Variants in MORN4 observed in about 807,000 individuals in gnomAD.
MORN4 encodes the protein MORN repeat containing 4, also known as MORN repeat-containing protein 4.
Under a neutral mutation model 16.4 loss-of-function variants are expected in MORN4, and 8 were observed. The ratio of observed to expected loss-of-function variants is 0.49; its 90% CI spans 0.29 to 0.88. MORN4 has a LOEUF of 0.88. MORN4 is among the 40% of genes least tolerant of loss of function. MORN4 has a pLI of 0.09. For missense variants in MORN4, 159 were observed against 182.9 expected, an observed-to-expected ratio of 0.87 and a Z score of 0.75; for synonymous variants, 53 against 68.9, an observed-to-expected ratio of 0.77 and a Z score of 1.14.
Position 97,616,397 on chromosome 10 carries a change from G to C in MORN4, c.307C>G (p.Pro103Ala). Residue 103 changes from proline (P) to alanine (A), a missense_variant, in exon 5 of 5, where the codon CCT (proline) becomes GCT (alanine). Coordinates refer to ENST00000307450, the MANE Select transcript of MORN4 (RefSeq NM_178832.4). ...RVDGFGLLTF[P>A]DGSHGIPRNE... ...CGGGGGATTCCATGAGAACCATCAG[G>C]GAAAGTCAGCAGGCCTTTGAGGAGG... The C allele has an allele frequency of 6.2e-7, 1 of 1,603,982 alleles. No homozygotes were observed. Among genetic ancestry groups the C allele is most frequent in the Non-Finnish European group, 8.5e-7 (1 of 1,175,456 alleles).
intron 1 of MORN4, among the ~76,000 whole-genome samples, chr10:97,623,754 G>C (rs1440764705): frequency 1.5e-5 from 2 of 129,146 alleles, no homozygotes; most frequent in Non-Finnish European, 3.3e-5. Context: ...TTCTTTTTTT[G>C]AGACAGAGTC....
intron 4 of MORN4, 47 bp downstream of exon 4, chr10:97,616,631 C>T (rs1222730951): frequency 3.4e-6 from 5 of 1,458,954 alleles, no homozygotes; most frequent in East Asian, 4.5e-5. Flanking sequence ...TATTTCCACC[C>T]ATATTATGCC....
In MORN4 at chr10:97,616,401, A is replaced by G. The variant is rs369041515; in HGVS notation, c.303T>C (p.Thr101=). The G allele has an allele frequency of 6.9e-6, 11 of 1,603,444 alleles. No individual in the cohort carries two copies. Among genetic ancestry groups the G allele is most frequent in the Non-Finnish European group, 9.4e-6 (11 of 1,175,286 alleles). The change falls in exon 5 of 5, where the codon ACT becomes ACC. Residue 101 remains threonine (T), a synonymous_variant. Coordinates refer to ENST00000307450, the MANE Select transcript of MORN4 (RefSeq NM_178832.4). ...GGATTCCATGAGAACCATCAGGGAA[A>G]GTCAGCAGGCCTTTGAGGAGGGCAG... ...NGRVDGFGLL[T]FPDGSHGIPR...
Position 97,628,688 on chromosome 10 carries a change from C to T in MORN4, c.-31+4659G>A, listed in dbSNP as rs188806075. Among the ~76,000 whole-genome samples the T allele has an allele frequency of 6.1e-4, 93 of 152,218 alleles. 1 individual carries two copies. Among genetic ancestry groups the T allele is most frequent in the African/African-American group, 2.1e-3 (88 of 41,542 alleles). On this transcript the variant is annotated intron_variant, in intron 1 of 4. Coordinates refer to ENST00000307450, the MANE Select transcript of MORN4 (RefSeq NM_178832.4). ...AGCTGGGATTACAGGCGTGCCAGCA[C>T]GGCCAGCTAATTTTCATATTTTTAG...
At chr10:97,619,306 C>T in intron 2 of MORN4, 1 of 545,366 alleles carries the variant, frequency 1.8e-6, no homozygotes, top group Non-Finnish European at 3.3e-6. Context: ...GCCTAGGCAA[C>T]ATAGTGAGCG....
At position 97,615,732 on chromosome 10, in the gene MORN4, A is replaced by T. The variant is rs2041231145; in HGVS notation, c.*531T>A. The T allele has an allele frequency of 7.0e-6, 1 of 142,324 alleles. No individual in the cohort carries two copies. Among genetic ancestry groups the T allele is most frequent in the Admixed American group, 6.8e-5 (1 of 14,742 alleles). 8.8% of individuals were successfully genotyped at this position (142,324 alleles called of 1,614,324 possible). On this transcript the variant is annotated 3_prime_UTR_variant, in exon 5 of 5. Transcript: ENST00000307450. ...AGTAAAACTCCATCTCAAAAATAAA[A>T]AATAAAATAATAATAATAATAATAA... is the stretch of plus-strand genomic sequence containing the variant.
At chr10:97,623,578 T>C (rs2041322617) in intron 1 of MORN4, among the ~76,000 whole-genome samples, 1 of 152,102 alleles carries the variant, frequency 6.6e-6, no homozygotes, top group Non-Finnish European at 1.5e-5. Flanking sequence ...AGGAAAGAAT[T>C]CTTTTTTCTT....
upstream of MORN4, chr10:97,633,601 CGAGT>C (rs1431938893): frequency 1.6e-6 from 2 of 1,288,974 alleles, no homozygotes; most frequent in South Asian, 2.5e-5. The surrounding 1 kb of genome is among the most constrained non-coding windows in gnomAD (Gnocchi z 4.5). Flanking sequence ...TGTGCGGGGC[CGAGT>C]GTTTGCGAAC....
chr10:97,625,820 T>G (rs140029909), intron 1 of MORN4, among the ~76,000 whole-genome samples: 29 of 152,308 alleles, frequency 1.9e-4, no homozygotes, highest in Non-Finnish European at 3.5e-4. Flanking sequence ...CATGCTGGTG[T>G]GCAATCGCTT....
chr10:97,630,368 C>T (rs2041386341), intron 1 of MORN4, among the ~76,000 whole-genome samples: 1 of 152,154 alleles, frequency 6.6e-6, no homozygotes, highest in South Asian at 2.1e-4. Context: ...CGCCTGGCCA[C>T]AGTATGGGTG....
At chr10:97,620,517 A>AAAG (rs2041280877) in intron 1 of MORN4, among the ~76,000 whole-genome samples, 4 of 149,310 alleles carry the variant, frequency 2.7e-5, no homozygotes, top group African/African-American at 9.9e-5. Flanking sequence ...AGAAAAAAAA[A>AAAG]AGAAAATATG....
At position 97,616,347 on chromosome 10, in the gene MORN4, G is replaced by C. The variant is rs748583995; in HGVS notation, c.357C>G (p.Asn119Lys). The stretch of plus-strand genomic sequence containing the variant: ...AACACTTCTCACGTCGCAGCAGCTT[G>C]TTGTTCTCAAAGAGACCTTCATTGC... ...IPRNEGLFENNKLLRREKCSA... is the reference protein window; with the variant it reads ...IPRNEGLFENKKLLRREKCSA... The change falls in exon 5 of 5, where the codon AAC (asparagine) becomes AAG (lysine). Residue 119 changes from asparagine to lysine, a missense_variant. Coordinates refer to ENST00000307450, the MANE Select transcript of MORN4 (RefSeq NM_178832.4). The C allele has an allele frequency of 6.2e-7, 1 of 1,613,306 alleles. No individual in the cohort carries two copies. Among genetic ancestry groups the C allele is most frequent in the South Asian group, 1.1e-5 (1 of 90,972 alleles).
chr10:97,628,607 C>A lies in MORN4; in HGVS notation c.-31+4740G>T, dbSNP rs1188286324. Among the ~76,000 whole-genome samples, 5 of 151,552 alleles carry A rather than the reference C, an allele frequency of 3.3e-5. No homozygotes were observed. In the South Asian group the frequency reaches 1.0e-3, roughly 31 times the overall value. The stretch of plus-strand genomic sequence containing the variant: ...GAAGTCTAATGGCATGATCTTGGCT[C>A]ACTGCAACCTCCGCCTCCCAGGCTC... On this transcript the variant is annotated intron_variant, in intron 1 of 4. Coordinates refer to ENST00000307450, the MANE Select transcript of MORN4 (RefSeq NM_178832.4).
At position 97,614,666 on chromosome 10, in the gene MORN4, G is replaced by C. The variant is rs1293213509; in HGVS notation, c.*1597C>G. On this transcript the variant is annotated 3_prime_UTR_variant, in exon 5 of 5. Coordinates refer to ENST00000307450, the MANE Select transcript of MORN4 (RefSeq NM_178832.4). ...TTCCACCACAATCTGCTGTTGAAGA[G>C]ACATTCAATGTGAGGCTAGGGAGCT... 6.6e-6 allele frequency: 1 copy of C among 152,646 alleles called. No individual in the cohort carries two copies. Among genetic ancestry groups the C allele is most frequent in the African/African-American group, 2.4e-5 (1 of 41,464 alleles). The allele number at this position is 152,646 out of a possible 1,614,324, so 9.5% of individuals were successfully genotyped here.
intron 1 of MORN4, among the ~76,000 whole-genome samples, chr10:97,631,229 A>G (rs888942183): frequency 6.6e-6 from 1 of 152,206 alleles, no homozygotes; most frequent in Non-Finnish European, 1.5e-5. Flanking sequence ...TATATGGCTC[A>G]GGAGTTTAGG....
At chr10:97,624,318 TAATC>T (rs1379495103) in intron 1 of MORN4, among the ~76,000 whole-genome samples, 1 of 152,232 alleles carries the variant, frequency 6.6e-6, no homozygotes, top group Non-Finnish European at 1.5e-5. Context: ...CCCTCTCTAA[TAATC>T]AATTGCACTA....
chr10:97,619,141 A>G (rs2041265750), intron 2 of MORN4, among the ~76,000 whole-genome samples: 1 of 152,142 alleles, frequency 6.6e-6, no homozygotes, highest in South Asian at 2.1e-4. Flanking sequence ...CCTGGCCAAC[A>G]TGGTGAAACC....
At position 97,632,212 on chromosome 10, in the gene MORN4, CTTTTTTTTT is replaced by C. The variant is rs1162979185; in HGVS notation, c.-31+1126_-31+1134del. Among the ~76,000 whole-genome samples, 411 of 86,992 alleles carry C rather than the reference CTTTTTTTTT, an allele frequency of 4.7e-3. 2 individuals are homozygous for C. The highest frequency in any genetic ancestry group is 0.019 in the African/African-American group (390 of 20,118). The allele number at this position is 86,992 out of a possible 152,430, so 57.1% of individuals were successfully genotyped here. A position where few individuals can be genotyped will look rare whatever the true frequency, so the allele number is the denominator to read the frequency against. ...GAACAAAAAGTCAAATAATACTCCC[CTTTTTTTTT>C]TTTTTTTTTTTTTTTGAGACGGAGT... is the stretch of plus-strand genomic sequence containing the variant. On this transcript the variant is annotated intron_variant, in intron 1 of 4. Transcript: ENST00000307450.
chr10:97,619,887 T>A (rs545035363), intron 1 of MORN4, among the ~76,000 whole-genome samples: 1 of 152,266 alleles, frequency 6.6e-6, no homozygotes, highest in Admixed American at 6.5e-5. Flanking sequence ...TCCTCCTGCT[T>A]ATCTTAAAAG....
Sources: gnomAD v4.1 joint callset for allele counts (sites outside exome capture counted in the v4.1 genomes callset) on GRCh38, gnomAD v4.1.1 for gene constraint, Gnocchi (gnomAD v3.1) non-coding constraint, MANE v1.5 for transcripts, NCBI Gene and HGNC (gene_info 2026-07-23, HGNC 2026-07-21) for gene names.